FLRT1: variants seen among roughly 807,000 people sequenced by gnomAD.
FLRT1 encodes the protein leucine-rich repeat transmembrane protein FLRT1.
In FLRT1, 14 loss-of-function variants were observed where a neutral mutation model predicts 30.9. That is an observed-to-expected ratio of 0.45 (90% confidence interval 0.30 to 0.71). The LOEUF (loss-of-function observed/expected upper bound fraction) is 0.71. Ranked by LOEUF, FLRT1 falls within the 30% of genes least tolerant of loss-of-function variation. The pLI is 0.08. For synonymous variants in FLRT1, 368 were observed against 430.4 expected, an observed-to-expected ratio of 0.85 and a Z score of 1.80; for missense variants, 737 against 949.2, an observed-to-expected ratio of 0.78 and a Z score of 2.94.
intron 1 of FLRT1, among the ~76,000 whole-genome samples, chr11:64,101,353 G>A (rs1944667657): frequency 6.6e-6 from 1 of 152,176 alleles, no homozygotes; most frequent in Non-Finnish European, 1.5e-5. Flanking sequence ...TATGGGAAGG[G>A]TCTGAGGTGA....
intron 1 of FLRT1, among the ~76,000 whole-genome samples, chr11:64,044,700 T>G (rs1454639277): frequency 2.6e-5 from 4 of 152,194 alleles, no homozygotes; most frequent in African/African-American, 9.6e-5. Context: ...GATGGGAAAC[T>G]GAGGCATGGA....
chr11:64,095,430 G>A (rs1944559352), intron 1 of FLRT1, among the ~76,000 whole-genome samples: 1 of 152,228 alleles, frequency 6.6e-6, no homozygotes, highest in African/African-American at 2.4e-5. Flanking sequence ...GGGAAGGAGG[G>A]AAAGGGTGGG....
chr11:64,041,036 T>A (rs1943474567), intron 1 of FLRT1, among the ~76,000 whole-genome samples: 1 of 151,760 alleles, frequency 6.6e-6, no homozygotes, highest in East Asian at 1.9e-4. Context: ...TATACTTAAT[T>A]AAAACTGGGA....
rs1453306153 is a variant in FLRT1 at position 64,096,858 on chromosome 11, C to T, written c.-1037-6336C>T. Among the ~76,000 whole-genome samples, 2 of 152,202 alleles carry T rather than the reference C, an allele frequency of 1.3e-5. No homozygotes were observed. Among genetic ancestry groups the T allele is most frequent in the African/African-American group, 2.4e-5 (1 of 41,464 alleles). ...AAGCACACTGCCAGCTGTGTCCCTT[C>T]GAGGGCCTCCCCCGGCAGAGCTGAG... On this transcript the variant is annotated intron_variant, in intron 1 of 2. Coordinates refer to ENST00000682287, the MANE Select transcript of FLRT1 (RefSeq NM_013280.5). The surrounding 1 kb of genome is among the most constrained non-coding windows in gnomAD (Gnocchi z 4.6).
chr11:64,110,116 G>A (rs1388610434), intron 2 of FLRT1, among the ~76,000 whole-genome samples: 2 of 152,084 alleles, frequency 1.3e-5, no homozygotes, highest in African/African-American at 4.8e-5. Flanking sequence ...TATAGATGAG[G>A]AAATCAAACC....
intron 1 of FLRT1, among the ~76,000 whole-genome samples, chr11:64,084,356 G>A (rs760065996): frequency 2.6e-5 from 4 of 152,160 alleles, no homozygotes; most frequent in African/African-American, 7.2e-5. Context: ...CCCCTGCCAC[G>A]TGCTCTGCCC....
Position 64,118,320 on chromosome 11 carries a change from C to T in FLRT1, c.*28C>T, listed in dbSNP as rs1945035341. The stretch of plus-strand genomic sequence containing the variant: ...CCCGCCCACCCGGGCTGCCCCGCCT[C>T]AGCCCCAGCTGCCCTGGCGTGGCCA... On this transcript the variant is annotated 3_prime_UTR_variant, in exon 3 of 3. Transcript: ENST00000682287. The T allele has an allele frequency of 1.3e-6, 2 of 1,529,188 alleles. No homozygotes were observed. The highest frequency in any genetic ancestry group is 1.8e-6 in the Non-Finnish European group (2 of 1,133,398). 94.7% of individuals were successfully genotyped at this position (1,529,188 alleles called of 1,614,324 possible).
chr11:64,050,505 C>T (rs940811936), intron 1 of FLRT1, among the ~76,000 whole-genome samples: 4 of 152,186 alleles, frequency 2.6e-5, no homozygotes, highest in Non-Finnish European at 4.4e-5. Context: ...TGCTTCAGCC[C>T]CCATACCCTC....
At chr11:64,061,771 C>G (rs1056853483) in intron 1 of FLRT1, among the ~76,000 whole-genome samples, 4 of 151,370 alleles carry the variant, frequency 2.6e-5, no homozygotes, top group African/African-American at 9.7e-5. Flanking sequence ...ACGATCACAG[C>G]TCACTGCAGC....
chr11:64,065,536 TC>T (rs1327507330), intron 1 of FLRT1, among the ~76,000 whole-genome samples: 15 of 152,068 alleles, frequency 9.9e-5, no homozygotes, highest in Non-Finnish European at 1.8e-4. Flanking sequence ...ATGCCTGTAA[TC>T]CCAGCACTTT....
rs1943438441 is a variant in FLRT1, at chr11:64,039,193, TG to T, written c.-1038+3038del. Among the ~76,000 whole-genome samples the T allele has an allele frequency of 2.0e-5, 3 of 150,712 alleles. No homozygotes were observed. In the South Asian group the frequency reaches 6.3e-4, roughly 32 times the overall value. On this transcript the variant is annotated intron_variant, in intron 1 of 2. Coordinates refer to ENST00000682287, the MANE Select transcript of FLRT1 (RefSeq NM_013280.5). ...GCTTTTGCTGAGGCCCCTTATAGGA[TG>T]GGGTGCGTGAGGCATGTGGGTGAGC... is the stretch of plus-strand genomic sequence containing the variant.
intron 1 of FLRT1, among the ~76,000 whole-genome samples, chr11:64,043,092 C>T (rs879722080): frequency 3.3e-5 from 5 of 152,228 alleles, no homozygotes; most frequent in Admixed American, 6.5e-5. Context: ...GGACGCCTCA[C>T]GTCCCCTCTC....
Position 64,036,427 on chromosome 11 carries a change from C to G in FLRT1, c.-1038+268C>G, listed in dbSNP as rs929440443. Reference sequence around the variant, plus strand: ...TGCGCGGCCGGCGGCTCAGCTCTCCCGAGCCGAGGCTGGAAAGGGCGGGGG... The same window carrying G: ...TGCGCGGCCGGCGGCTCAGCTCTCCGGAGCCGAGGCTGGAAAGGGCGGGGG... On this transcript the variant is annotated intron_variant, in intron 1 of 2. Transcript: ENST00000682287. This position sits in a 1 kb window ranked among gnomAD's most constrained non-coding sequence, Gnocchi z 5.6. Among the ~76,000 whole-genome samples, 12 of 152,274 alleles carry G rather than the reference C, an allele frequency of 7.9e-5. No individual in the cohort carries two copies. The highest frequency in any genetic ancestry group is 2.4e-4 in the African/African-American group (10 of 41,572).
rs1288589197 is a variant in FLRT1, at chr11:64,117,770, C to T, written c.1503C>T (p.Ser501=). The T allele has an allele frequency of 1.9e-6, 3 of 1,614,140 alleles. No individual in the cohort carries two copies. Among genetic ancestry groups the T allele is most frequent in the South Asian group, 2.2e-5 (2 of 91,080 alleles). The change falls in exon 3 of 3, where the codon TCC becomes TCT. Residue 501 remains serine (S), a synonymous_variant. Transcript: ENST00000682287. The part of the protein sequence containing the change: ...EYLLTALEPK[S]TYIICMVTME... ...TGCTGACAGCCCTGGAGCCCAAGTC[C>T]ACCTACATCATCTGCATGGTCACCA...
chr11:64,040,883 C>G (rs1034693242), intron 1 of FLRT1, among the ~76,000 whole-genome samples: 1 of 152,034 alleles, frequency 6.6e-6, no homozygotes, highest in East Asian at 1.9e-4. Context: ...CCAGGCAGAC[C>G]GCAGGACCCA....
chr11:64,112,178 C>T (rs1352177321), intron 2 of FLRT1, among the ~76,000 whole-genome samples: 1 of 152,110 alleles, frequency 6.6e-6, no homozygotes, highest in African/African-American at 2.4e-5. Context: ...TGCACAAATC[C>T]CTGCCCTTGT....
intron 1 of FLRT1, among the ~76,000 whole-genome samples, chr11:64,085,188 C>A (rs1047926274): frequency 6.6e-6 from 1 of 152,122 alleles, no homozygotes; most frequent in Non-Finnish European, 1.5e-5. Flanking sequence ...TGGAGGAGCA[C>A]GCCCGAGTGG....
intron 1 of FLRT1, among the ~76,000 whole-genome samples, chr11:64,085,336 C>T (rs35222632): frequency 0.01 from 1,548 of 152,302 alleles, 9 homozygotes; most frequent in Non-Finnish European, 0.013. Context: ...CCTCAGCGCC[C>T]GCTGCTCCCA....
At chr11:64,053,122 G>A (rs527633030) in intron 1 of FLRT1, among the ~76,000 whole-genome samples, 2 of 152,304 alleles carry the variant, frequency 1.3e-5, no homozygotes, top group East Asian at 3.9e-4. Context: ...CAGGGACCAA[G>A]AAGGTGCAGT....
Sources: allele counts gnomAD v4.1 joint callset (sites outside exome capture counted in the v4.1 genomes callset), GRCh38; gene constraint gnomAD v4.1.1; non-coding constraint Gnocchi (gnomAD v3.1); transcripts MANE v1.5; gene names NCBI Gene and HGNC (gene_info 2026-07-23, HGNC 2026-07-21).